The following APCDD1L variants were observed in gnomAD, a reference collection of about 807,000 sequenced individuals.
APCDD1L encodes protein APCDD1-like.
APCDD1L carries 21 observed loss-of-function variants against 24.2 expected under a neutral mutation model. That is an observed-to-expected ratio of 0.87 (90% confidence interval 0.61 to 1.25). The LOEUF (loss-of-function observed/expected upper bound fraction) is 1.25. APCDD1L is among the 50% of genes most tolerant of loss of function. The pLI is 0.00. For missense variants in APCDD1L, 704 were observed against 711.7 expected, an observed-to-expected ratio of 0.99 and a Z score of 0.12; for synonymous variants, 321 against 323.6, an observed-to-expected ratio of 0.99 and a Z score of 0.09.
At chr20:58,482,118 C>T (rs568368102) in intron 1 of APCDD1L, among the ~76,000 whole-genome samples, 1 of 152,276 alleles carries the variant, frequency 6.6e-6, no homozygotes, top group African/African-American at 2.4e-5. Context: ...AAAATTATTA[C>T]AATTTAACAA....
At chr20:58,503,844 G>T (rs1459849324) in intron 1 of APCDD1L, among the ~76,000 whole-genome samples, 5 of 152,230 alleles carry the variant, frequency 3.3e-5, no homozygotes, top group Non-Finnish European at 7.3e-5. Flanking sequence ...GGATGGGCAT[G>T]GATCCAAGGG....
chr20:58,496,902 C>G (rs969867614), intron 1 of APCDD1L, among the ~76,000 whole-genome samples: 1 of 152,128 alleles, frequency 6.6e-6, no homozygotes, highest in East Asian at 1.9e-4. Flanking sequence ...CCCCTACGAG[C>G]GGCACTGAGG....
chr20:58,507,550 C>G (rs991769933), intron 1 of APCDD1L, among the ~76,000 whole-genome samples: 1 of 152,142 alleles, frequency 6.6e-6, no homozygotes, highest in Non-Finnish European at 1.5e-5. Context: ...CACACCCCGA[C>G]ACACACACAG....
At chr20:58,510,570 G>T (rs1435605655) in intron 1 of APCDD1L, among the ~76,000 whole-genome samples, 1 of 152,150 alleles carries the variant, frequency 6.6e-6, no homozygotes, top group Non-Finnish European at 1.5e-5. Context: ...GACCTTAGGT[G>T]ATCTGCCCAC....
Position 58,514,633 on chromosome 20 carries a change from G to A in APCDD1L, c.49+26C>T, listed in dbSNP as rs781469915. On this transcript the variant is annotated intron_variant, in intron 1 of 3. Transcript: ENST00000371149. ...CCTCCCTTCCGAGCTCAGCCAGTTTGCCGGGTGGGGGAGGGTGGCACCTAC... is the reference window on the plus strand; with the variant it reads ...CCTCCCTTCCGAGCTCAGCCAGTTTACCGGGTGGGGGAGGGTGGCACCTAC... The A allele has an allele frequency of 1.1e-5, 15 of 1,311,764 alleles. No individual in the cohort carries two copies. In the African/African-American group the frequency reaches 1.4e-4, roughly 12 times the overall value. The allele number at this position is 1,311,764 out of a possible 1,614,324, so 81.3% of individuals were successfully genotyped here.
At position 58,515,329 on chromosome 20, in the gene APCDD1L, C is replaced by T. The variant is rs371038264; in HGVS notation, c.-622G>A. Reference sequence around the variant, plus strand: ...GCCAACCCGGTCGCCTAGAAGCCAGCCCCGGCCTCTGTCTGTAAATGAGGC... The same window carrying T: ...GCCAACCCGGTCGCCTAGAAGCCAGTCCCGGCCTCTGTCTGTAAATGAGGC... On this transcript the variant is annotated 5_prime_UTR_variant, in exon 1 of 4. Coordinates refer to ENST00000371149, the MANE Select transcript of APCDD1L (RefSeq NM_153360.3). 2.4e-5 allele frequency: 7 copies of T among 295,284 alleles called. No homozygotes were observed. Among genetic ancestry groups the T allele is most frequent in the East Asian group, 2.2e-4 (4 of 17,850 alleles). The allele number at this position is 295,284 out of a possible 1,614,324, so 18.3% of individuals were successfully genotyped here.
intron 1 of APCDD1L, among the ~76,000 whole-genome samples, chr20:58,475,483 A>G (rs1008442872): frequency 3.3e-5 from 5 of 152,114 alleles, no homozygotes; most frequent in Admixed American, 3.3e-4. Flanking sequence ...ATATTAAAAT[A>G]TTTGGTATTT....
intron 1 of APCDD1L, among the ~76,000 whole-genome samples, chr20:58,475,588 C>T (rs983098131): frequency 6.6e-6 from 1 of 151,956 alleles, no homozygotes; most frequent in South Asian, 2.1e-4. Flanking sequence ...GGGTGGTGCA[C>T]GGAAGACGGA....
Position 58,495,613 on chromosome 20 carries a change from C to A in APCDD1L, c.49+19046G>T, listed in dbSNP as rs545845042. On this transcript the variant is annotated intron_variant, in intron 1 of 3. Transcript: ENST00000371149. ...GTCTAGGTTGGAACTCAGGCCCTGC[C>A]CCTTCTGAGTGAGGTGGCTTTGGGT... Among the ~76,000 whole-genome samples, 283 of 152,286 alleles carry A rather than the reference C, an allele frequency of 1.9e-3. 1 individual carries two copies. The highest frequency in any genetic ancestry group is 6.4e-3 in the African/African-American group (266 of 41,560).
In APCDD1L at chr20:58,467,437, T is replaced by G. The variant is rs1989734113; in HGVS notation, c.410A>C (p.His137Pro). Residue 137 changes from histidine to proline, a missense_variant, in exon 3 of 4, where the codon CAC becomes CCC. Coordinates refer to ENST00000371149, the MANE Select transcript of APCDD1L (RefSeq NM_153360.3). The surrounding 1 kb of genome is among the most constrained non-coding windows in gnomAD (Gnocchi z 5.9). ...YHLHKVGIVF[H>P]SRRALVDVTG... ...GACGTCGACCAGGGCCCGGCGGCTGTGGAAGACGATGCCCACCTTGTGCAG... is the reference window on the plus strand; with the variant it reads ...GACGTCGACCAGGGCCCGGCGGCTGGGGAAGACGATGCCCACCTTGTGCAG... 1 of 1,579,652 alleles carries G rather than the reference T, an allele frequency of 6.3e-7. No homozygotes were observed. Among genetic ancestry groups the G allele is most frequent in the African/African-American group, 1.4e-5 (1 of 73,560 alleles).
At chr20:58,484,863 C>G (rs1218103420) in intron 1 of APCDD1L, among the ~76,000 whole-genome samples, 1 of 152,062 alleles carries the variant, frequency 6.6e-6, no homozygotes, top group African/African-American at 2.4e-5. Context: ...TACCCCGAAG[C>G]CTTGGTTGCT....
At chr20:58,484,932 T>G (rs1233152413) in intron 1 of APCDD1L, among the ~76,000 whole-genome samples, 1 of 149,068 alleles carries the variant, frequency 6.7e-6, no homozygotes, top group Non-Finnish European at 1.5e-5. Context: ...AATGGTTTCA[T>G]GCCGATCTCT....
intron 1 of APCDD1L, among the ~76,000 whole-genome samples, chr20:58,482,778 T>C (rs1990047629): frequency 1.3e-5 from 2 of 152,200 alleles, no homozygotes; most frequent in African/African-American, 4.8e-5. Context: ...AGGGAAAGCC[T>C]GACAGTATCT....
chr20:58,474,919 G>T (rs373725644), intron 1 of APCDD1L, among the ~76,000 whole-genome samples: 1 of 151,994 alleles, frequency 6.6e-6, no homozygotes, highest in African/African-American at 2.4e-5. Flanking sequence ...CAATGACTCC[G>T]CTTTCTGTCT....
At chr20:58,504,192 C>T (rs1362757555) in intron 1 of APCDD1L, among the ~76,000 whole-genome samples, 2 of 152,140 alleles carry the variant, frequency 1.3e-5, no homozygotes, top group African/African-American at 4.8e-5. Flanking sequence ...GGCAAAGGCT[C>T]CATGGCTAAT....
chr20:58,491,132 C>CA (rs1990218537), intron 1 of APCDD1L, among the ~76,000 whole-genome samples: 1 of 151,968 alleles, frequency 6.6e-6, no homozygotes, highest in African/African-American at 2.4e-5. Flanking sequence ...CACTGTGTAC[C>CA]AAAAAAGCCT....
At chr20:58,463,131 G>A (rs867384463) in intron 3 of APCDD1L, among the ~76,000 whole-genome samples, 39 of 100,534 alleles carry the variant, frequency 3.9e-4, no homozygotes, top group African/African-American at 1.5e-3. Flanking sequence ...GACAGAGCAA[G>A]ACTCCATCTC....
Position 58,470,734 on chromosome 20 carries a change from C to A in APCDD1L, c.63G>T (p.Pro21=), listed in dbSNP as rs1439826646. 2.6e-6 allele frequency: 4 copies of A among 1,538,658 alleles called. No homozygotes were observed. The South Asian group carries it at 3.6e-5, about 14-fold the overall frequency. Residue 21 remains proline (P), a synonymous_variant, in exon 2 of 4, where the codon CCG becomes CCT. Transcript: ENST00000371149. ...AGCTGCCCCCGGCCTCCCCAGCCGC[C>A]GGTGCAGTGTGGGCTGCAAAGCAGA... is the stretch of plus-strand genomic sequence containing the variant. ...VLVLLGAHTA[P]AAGEAGGSCL...
At chr20:58,463,905 G>GT (rs1491115270) in intron 3 of APCDD1L, among the ~76,000 whole-genome samples, 1 of 121,040 alleles carries the variant, frequency 8.3e-6, no homozygotes, top group Non-Finnish European at 1.8e-5. Context: ...GGGGGGGGGG[G>GT]GCGTCACATT....
Sources: allele counts gnomAD v4.1 joint callset (sites outside exome capture counted in the v4.1 genomes callset), GRCh38; gene constraint gnomAD v4.1.1; non-coding constraint Gnocchi (gnomAD v3.1); transcripts MANE v1.5; gene names NCBI Gene and HGNC (gene_info 2026-07-23, HGNC 2026-07-21).